Variants in ZNF710 observed in about 807,000 individuals in gnomAD.
ZNF710 encodes the protein zinc finger protein 710.
A neutral mutation model predicts 50.6 loss-of-function variants in ZNF710; 13 were observed. The observed-to-expected ratio is 0.26, with a 90% CI of 0.17 to 0.41. ZNF710 has a LOEUF of 0.41. ZNF710 is among the 10% of genes least tolerant of loss of function. The probability of loss-of-function intolerance (pLI) is 1.00; values close to 1 mark genes in which losing one functional copy is unlikely to be tolerated. For synonymous variants in ZNF710, 383 were observed against 397.0 expected, an observed-to-expected ratio of 0.96 and a Z score of 0.42; for missense variants, 721 against 936.6, an observed-to-expected ratio of 0.77 and a Z score of 3.01.
chr15:90,016,486 C>A lies in ZNF710; in HGVS notation c.-29+14872C>A, dbSNP rs184014218. Reference sequence around the variant, plus strand: ...GAGACAGGTCTCACTCTGTCACCCACGCTAGAATGCAGTGGTACGATCATA... The same window carrying A: ...GAGACAGGTCTCACTCTGTCACCCAAGCTAGAATGCAGTGGTACGATCATA... On this transcript the variant is annotated intron_variant, in intron 1 of 4. Transcript: ENST00000268154. 1.6e-4 allele frequency among the ~76,000 whole-genome samples: 25 copies of A among 152,256 alleles called. No homozygotes were observed. In the South Asian group the frequency reaches 5.0e-3, roughly 30 times the overall value.
rs1466800807 is a variant in ZNF710, at chr15:90,034,947, C to T, written c.-28-32163C>T. Reference sequence around the variant, plus strand: ...AGAGAAAGAGGCTTGATGGCCGGAGCCCCAGGGCTTCCCTGCTGGTAGAAG... The same window carrying T: ...AGAGAAAGAGGCTTGATGGCCGGAGTCCCAGGGCTTCCCTGCTGGTAGAAG... On this transcript the variant is annotated intron_variant, in intron 1 of 4. Coordinates refer to ENST00000268154, the MANE Select transcript of ZNF710 (RefSeq NM_198526.4). The surrounding 1 kb of genome is among the most constrained non-coding windows in gnomAD (Gnocchi z 4.0). Among the ~76,000 whole-genome samples the T allele has an allele frequency of 6.6e-6, 1 of 152,198 alleles. No homozygotes were observed. The highest frequency in any genetic ancestry group is 1.9e-4 in the East Asian group (1 of 5,184).
In ZNF710 at chr15:90,081,316, C is replaced by T. The variant is rs1181710785; in HGVS notation, c.*1487C>T. On this transcript the variant is annotated 3_prime_UTR_variant, in exon 5 of 5. Transcript: ENST00000268154. ...AATAGCACATTCAGGAACTCTAGGG[C>T]ACCCGGACCCCCCCACCCACTTGCC... 6.6e-6 allele frequency: 1 copy of T among 152,168 alleles called. No individual in the cohort carries two copies. The highest frequency in any genetic ancestry group is 1.5e-5 in the Non-Finnish European group (1 of 68,150). The allele number at this position is 152,168 out of a possible 1,614,324, so 9.4% of individuals were successfully genotyped here. A position where few individuals can be genotyped will look rare whatever the true frequency, so the allele number is the denominator to read the frequency against.
At chr15:90,049,486 C>T (rs533746036) in intron 1 of ZNF710, among the ~76,000 whole-genome samples, 7 of 152,306 alleles carry the variant, frequency 4.6e-5, no homozygotes, top group South Asian at 2.1e-4. Context: ...AAGTCACTTT[C>T]GCCCTTGGGT....
intron 1 of ZNF710, among the ~76,000 whole-genome samples, chr15:90,048,662 ACT>A (rs1444589271): frequency 1.3e-5 from 2 of 151,966 alleles, no homozygotes; most frequent in Non-Finnish European, 2.9e-5. Context: ...GATTATCTAC[ACT>A]CTGGTGAGGA....
In ZNF710 at chr15:90,034,622, C is replaced by T. The variant is rs1015793645; in HGVS notation, c.-28-32488C>T. ...CCTGGCAGCTTGGCTGAGCCTCCTCCGGCCTCTGCCTCACCCGCCAGCTCT... is the reference window on the plus strand; with the variant it reads ...CCTGGCAGCTTGGCTGAGCCTCCTCTGGCCTCTGCCTCACCCGCCAGCTCT... On this transcript the variant is annotated intron_variant, in intron 1 of 4. Transcript: ENST00000268154. This position sits in a 1 kb window ranked among gnomAD's most constrained non-coding sequence, Gnocchi z 4.0. Among the ~76,000 whole-genome samples, 2 of 152,098 alleles carry T rather than the reference C, an allele frequency of 1.3e-5. No homozygotes were observed. Among genetic ancestry groups the T allele is most frequent in the Non-Finnish European group, 2.9e-5 (2 of 68,016 alleles).
intron 1 of ZNF710, among the ~76,000 whole-genome samples, chr15:90,057,205 G>A (rs185695122): frequency 6.6e-6 from 1 of 152,264 alleles, no homozygotes; most frequent in African/African-American, 2.4e-5. Flanking sequence ...GGGAGGGCCA[G>A]GCCATAGGTC....
In ZNF710 at chr15:90,073,242, G is replaced by A. The variant is rs746411531; in HGVS notation, c.1630G>A (p.Val544Met). The stretch of plus-strand genomic sequence containing the variant: ...GACCCACATGATTGTACACTCGCCC[G>A]TGAAGCCATTCAAATGCAAGGTACC... Reference protein sequence around the residue: ...LKTHMIVHSPVKPFKCKVCGK... With the variant: ...LKTHMIVHSPMKPFKCKVCGK... Residue 544 changes from valine to methionine, a missense_variant, in exon 3 of 5, where the codon GTG (valine) becomes ATG (methionine). By Grantham distance (21) the Val-to-Met change is conservative (BLOSUM62 1). Around this residue, in one of 3 missense-constraint regions of ZNF710, gnomAD observed 326 missense variants for 522.0 expected, o/e 0.62. Coordinates refer to ENST00000268154, the MANE Select transcript of ZNF710 (RefSeq NM_198526.4). 1.2e-5 allele frequency: 20 copies of A among 1,613,256 alleles called. No individual in the cohort carries two copies. Among genetic ancestry groups the A allele is most frequent in the Admixed American group, 8.3e-5 (5 of 59,992 alleles).
upstream of ZNF710, among the ~76,000 whole-genome samples, chr15:90,001,017 AAAG>A (rs1338296258): frequency 6.6e-5 from 10 of 152,340 alleles, no homozygotes; most frequent in South Asian, 1.7e-3. Context: ...GAAAGAAAGA[AAAG>A]AAGGAAAAAA....
intron 1 of ZNF710, chr15:90,025,298 A>G (rs1898744535): frequency 6.6e-6 from 1 of 152,154 alleles, no homozygotes; most frequent in Non-Finnish European, 1.5e-5. Context: ...CTCTCTGGCC[A>G]GGGGGAGTTT....
upstream of ZNF710, among the ~76,000 whole-genome samples, chr15:90,000,529 C>A (rs980412703): frequency 1.3e-5 from 2 of 152,174 alleles, no homozygotes; most frequent in Non-Finnish European, 2.9e-5. Flanking sequence ...CCGCCGATCC[C>A]AGCAGCTGCC....
At chr15:90,031,232 A>G (rs1476015952) in intron 1 of ZNF710, among the ~76,000 whole-genome samples, 2 of 152,152 alleles carry the variant, frequency 1.3e-5, no homozygotes, top group Non-Finnish European at 2.9e-5. Context: ...CAACACATTG[A>G]TTGAAGTGAA....
chr15:90,030,805 A>G (rs1402633078), intron 1 of ZNF710, among the ~76,000 whole-genome samples: 3 of 152,038 alleles, frequency 2.0e-5, no homozygotes, highest in African/African-American at 7.2e-5. Flanking sequence ...TCATGAGGTC[A>G]GGAGATCAAG....
chr15:90,056,615 G>A (rs1258001992), intron 1 of ZNF710, among the ~76,000 whole-genome samples: 1 of 152,184 alleles, frequency 6.6e-6, no homozygotes, highest in Non-Finnish European at 1.5e-5. Flanking sequence ...CCATGGGAGA[G>A]CCAAGCATCC....
At chr15:90,055,336 G>A (rs1003187536) in intron 1 of ZNF710, among the ~76,000 whole-genome samples, 2 of 152,180 alleles carry the variant, frequency 1.3e-5, no homozygotes, top group Admixed American at 1.3e-4. Flanking sequence ...GTAGGGGAAA[G>A]CATGTGTGAA....
chr15:90,074,394 G>T, intron 4 of ZNF710, 104 bp downstream of exon 4: 1 of 1,571,236 alleles, frequency 6.4e-7, no homozygotes, highest in South Asian at 1.1e-5. Context: ...CCAAGGCTGA[G>T]ACTTCGTTGG....
At chr15:90,009,458 C>T (rs1411486548) in intron 1 of ZNF710, among the ~76,000 whole-genome samples, 2 of 152,124 alleles carry the variant, frequency 1.3e-5, no homozygotes, top group Non-Finnish European at 2.9e-5. Context: ...AGCAGGTCAC[C>T]TCTGAAATTC....
Position 90,067,515 on chromosome 15 carries a change from G to A in ZNF710, c.378G>A (p.Val126=). The A allele has an allele frequency of 6.2e-7, 1 of 1,613,570 alleles. No homozygotes were observed. The highest frequency in any genetic ancestry group is 8.5e-7 in the Non-Finnish European group (1 of 1,179,720). The part of the protein sequence containing the change: ...EEEQEVYEVS[V]PGDDKDAGPA... The stretch of plus-strand genomic sequence containing the variant: ...AACAGGAGGTCTATGAGGTTTCTGT[G>A]CCAGGTGACGACAAGGACGCAGGGC... Residue 126 remains valine, a synonymous_variant, in exon 2 of 5, where the codon GTG becomes GTA. Transcript: ENST00000268154. The surrounding 1 kb of genome is among the most constrained non-coding windows in gnomAD (Gnocchi z 8.1).
chr15:90,031,672 G>A (rs1326342110), intron 1 of ZNF710, among the ~76,000 whole-genome samples: 2 of 152,138 alleles, frequency 1.3e-5, no homozygotes, highest in Non-Finnish European at 2.9e-5. Context: ...CATCTCTCTT[G>A]TTTTCATGCA....
At chr15:90,041,933 T>A (rs1278421557) in intron 1 of ZNF710, among the ~76,000 whole-genome samples, 1 of 150,316 alleles carries the variant, frequency 6.7e-6, no homozygotes, top group South Asian at 2.1e-4. Flanking sequence ...AGTTTCGCTC[T>A]GTTGCCCAGG....
Sources: gnomAD v4.1 joint callset for allele counts (sites outside exome capture counted in the v4.1 genomes callset) on GRCh38, gnomAD v4.1.1 for gene constraint, gnomAD v4.1.1 regional missense constraint, Gnocchi (gnomAD v3.1) non-coding constraint, MANE v1.5 for transcripts, NCBI Gene and HGNC (gene_info 2026-07-23, HGNC 2026-07-21) for gene names.